The following TNIK variants were observed in gnomAD, a reference collection of about 807,000 sequenced individuals.
The protein encoded by TNIK is TRAF2 and NCK-interacting protein kinase.
In TNIK, 49 loss-of-function variants were observed where a neutral mutation model predicts 191.3. The ratio of observed to expected loss-of-function variants is 0.26; its 90% CI spans 0.20 to 0.32. The LOEUF is 0.32. Ranked by LOEUF, TNIK falls within the 10% of genes least tolerant of loss-of-function variation. The pLI is 1.00. For synonymous variants in TNIK, 594 were observed against 600.9 expected (o/e 0.99, Z 0.17); for missense variants, 1,155 against 1,702.3 (o/e 0.68, Z 5.66).
At chr3:171,196,607 G>T (rs903492814) in intron 4 of TNIK, among the ~76,000 whole-genome samples, 5 of 152,040 alleles carry the variant, frequency 3.3e-5, no homozygotes, top group African/African-American at 9.7e-5. Flanking sequence ...GAGACGCAAA[G>T]AAAACTTATA....
At chr3:171,127,359 T>C (rs1161942445) in intron 16 of TNIK, among the ~76,000 whole-genome samples, 1 of 151,532 alleles carries the variant, frequency 6.6e-6, no homozygotes, top group African/African-American at 2.4e-5. Flanking sequence ...AAATAAATAA[T>C]AATATTAAAA....
intron 7 of TNIK, among the ~76,000 whole-genome samples, chr3:171,186,479 C>T: frequency 6.6e-6 from 1 of 152,180 alleles, no homozygotes; most frequent in East Asian, 1.9e-4. Context: ...ATAAAGTCCT[C>T]TGTAGAAAAG....
At chr3:171,167,550 C>T (rs758195944) in intron 9 of TNIK, among the ~76,000 whole-genome samples, 4 of 151,930 alleles carry the variant, frequency 2.6e-5, no homozygotes, top group Non-Finnish European at 5.9e-5. Flanking sequence ...ACCAAAAGGA[C>T]GCAGGGAAGA....
chr3:171,323,516 G>A (rs930393666), intron 2 of TNIK, among the ~76,000 whole-genome samples: 3 of 152,180 alleles, frequency 2.0e-5, no homozygotes, highest in Non-Finnish European at 4.4e-5. Context: ...TCCGAGGTCA[G>A]TGTTGGGCAC....
At chr3:171,070,361 TAAG>T (rs370654492) in intron 29 of TNIK, among the ~76,000 whole-genome samples, 55 of 151,480 alleles carry the variant, frequency 3.6e-4, no homozygotes, top group African/African-American at 9.9e-4. Context: ...CAGAAAATAA[TAAG>T]GAGCCAAATG....
At chr3:171,291,029 C>G (rs1751623048) in intron 2 of TNIK, among the ~76,000 whole-genome samples, 1 of 152,042 alleles carries the variant, frequency 6.6e-6, no homozygotes, top group Non-Finnish European at 1.5e-5. Context: ...TGGCTTTTAG[C>G]ATTATTTTTT....
intron 2 of TNIK, among the ~76,000 whole-genome samples, chr3:171,286,651 A>G (rs1025420522): frequency 2.6e-5 from 4 of 152,190 alleles, no homozygotes; most frequent in Non-Finnish European, 5.9e-5. Flanking sequence ...ACAAACAAAC[A>G]AGAAGTAGAC....
At chr3:171,067,890 C>A (rs78343246) in intron 30 of TNIK, among the ~76,000 whole-genome samples, 1 of 152,112 alleles carries the variant, frequency 6.6e-6, no homozygotes, top group Non-Finnish European at 1.5e-5. Flanking sequence ...CCCACATCCA[C>A]ATGAGTTAAA....
At chr3:171,165,267 CAG>C (rs1450890348) in intron 10 of TNIK, among the ~76,000 whole-genome samples, 13 of 151,752 alleles carry the variant, frequency 8.6e-5, no homozygotes, top group African/African-American at 3.1e-4. Context: ...GCAACAGAGA[CAG>C]AGCCTGTCTC....
chr3:171,345,344 A>C (rs1358669208), intron 2 of TNIK, among the ~76,000 whole-genome samples: 1 of 152,158 alleles, frequency 6.6e-6, no homozygotes. Flanking sequence ...GTTATATTAC[A>C]TCTTGCCTGG....
At chr3:171,428,271 T>C (rs1416634417) in intron 1 of TNIK, among the ~76,000 whole-genome samples, 1 of 152,186 alleles carries the variant, frequency 6.6e-6, no homozygotes, top group Non-Finnish European at 1.5e-5. Context: ...ATTATGGCTA[T>C]ATTTTTCAAG....
chr3:171,386,872 G>T (rs1212518651), intron 1 of TNIK, among the ~76,000 whole-genome samples: 2 of 152,142 alleles, frequency 1.3e-5, no homozygotes, highest in African/African-American at 2.4e-5. Context: ...TGCCACTCCA[G>T]GGTTTCTCAG....
intron 26 of TNIK, among the ~76,000 whole-genome samples, 165 bp downstream of exon 26, chr3:171,083,990 C>T (rs1175218877): frequency 6.6e-6 from 1 of 152,028 alleles, no homozygotes; most frequent in African/African-American, 2.4e-5. Flanking sequence ...TATAAAACTC[C>T]TTTTGGTTTC....
At chr3:171,243,439 AAC>A (rs1209391698) in intron 2 of TNIK, among the ~76,000 whole-genome samples, 3 of 151,972 alleles carry the variant, frequency 2.0e-5, no homozygotes, top group Non-Finnish European at 4.4e-5. Flanking sequence ...AAAAAAAAAA[AAC>A]ACCTTCTTAT....
chr3:171,385,701 T>C (rs1718636017), intron 1 of TNIK, among the ~76,000 whole-genome samples: 1 of 152,166 alleles, frequency 6.6e-6, no homozygotes, highest in Admixed American at 6.5e-5. Flanking sequence ...GTTAATAGTA[T>C]TATTTTAAAA....
intron 2 of TNIK, among the ~76,000 whole-genome samples, chr3:171,316,130 T>C (rs948301293): frequency 3.3e-5 from 5 of 152,120 alleles, no homozygotes; most frequent in African/African-American, 7.2e-5. Flanking sequence ...TATCACCTTA[T>C]CACCCATCTC....
intron 2 of TNIK, among the ~76,000 whole-genome samples, chr3:171,281,740 G>T (rs977506691): frequency 6.6e-6 from 1 of 152,158 alleles, no homozygotes; most frequent in African/African-American, 2.4e-5. Context: ...CAACCCTGAA[G>T]GTCAACGAGG....
intron 2 of TNIK, among the ~76,000 whole-genome samples, chr3:171,365,390 C>A (rs547096312): frequency 6.6e-6 from 1 of 152,010 alleles, no homozygotes; most frequent in Non-Finnish European, 1.5e-5. Context: ...CCACGTTGGT[C>A]AGGCTGGTCT....
rs1002298872 is a variant in TNIK at position 171,059,070 on chromosome 3, C to T, written c.*4811G>A. 6.6e-6 allele frequency among the ~76,000 whole-genome samples: 1 copy of T among 152,188 alleles called. No homozygotes were observed. Among genetic ancestry groups the T allele is most frequent in the African/African-American group, 2.4e-5 (1 of 41,442 alleles). ...CCAGAAATGAAAACTCACCTTTCCA[C>T]CAGCATTTGCTCAGCCTCAATAGTG... On this transcript the variant is annotated 3_prime_UTR_variant, in exon 33 of 33. Coordinates refer to ENST00000436636, the MANE Select transcript of TNIK (RefSeq NM_015028.4).
Sources: gnomAD v4.1 joint callset for allele counts (sites outside exome capture counted in the v4.1 genomes callset) on GRCh38, gnomAD v4.1.1 for gene constraint, MANE v1.5 for transcripts, NCBI Gene and HGNC (gene_info 2026-07-23, HGNC 2026-07-21) for gene names.